The following ESR1 variants were observed in gnomAD, a reference collection of about 807,000 sequenced individuals.
ESR1 encodes the protein estrogen receptor 1, also known as estrogen receptor.
In ESR1, 12 loss-of-function variants were observed where a neutral mutation model predicts 52.7. The ratio of observed to expected loss-of-function variants is 0.23; its 90% CI spans 0.15 to 0.37. The LOEUF is 0.37. Among genes scored for constraint, ESR1 ranks in the 10% least tolerant of loss-of-function variants. The pLI is 1.00. For missense variants in ESR1, 584 were observed against 779.7 expected (o/e 0.75, Z 2.99); for synonymous variants, 305 against 316.8 (o/e 0.96, Z 0.39).
chr6:151,957,340 A>G (rs1357820375), intron 4 of ESR1, among the ~76,000 whole-genome samples: 4 of 152,196 alleles, frequency 2.6e-5, no homozygotes, highest in African/African-American at 4.8e-5. Flanking sequence ...TTACATAACT[A>G]TACAAAAAAA....
chr6:151,736,184 A>G (rs1206826603), intron 2 of ESR1, among the ~76,000 whole-genome samples: 1 of 152,206 alleles, frequency 6.6e-6, no homozygotes, highest in Non-Finnish European at 1.5e-5. Flanking sequence ...CCTTTCCATT[A>G]TAAGAATCTT....
chr6:151,777,705 A>G (rs943787911), intron 2 of ESR1, among the ~76,000 whole-genome samples: 2 of 152,160 alleles, frequency 1.3e-5, no homozygotes, highest in African/African-American at 4.8e-5. Context: ...CATGCCTGTA[A>G]TCCTAGCACT....
chr6:152,063,707 AC>A (rs1256343913), intron 6 of ESR1, among the ~76,000 whole-genome samples: 10 of 152,300 alleles, frequency 6.6e-5, no homozygotes, highest in Admixed American at 2.6e-4. Context: ...CTCTCATGAG[AC>A]CAATGACCAA....
intron 1 of ESR1, among the ~76,000 whole-genome samples, chr6:151,694,674 C>T (rs953771505): frequency 3.9e-5 from 6 of 151,942 alleles, no homozygotes; most frequent in African/African-American, 1.5e-4. Context: ...GTAATCTCAG[C>T]TACTTGGGAG....
At chr6:151,782,769 G>A (rs554126441) in intron 2 of ESR1, among the ~76,000 whole-genome samples, 20 of 152,296 alleles carry the variant, frequency 1.3e-4, no homozygotes, top group Admixed American at 3.3e-4. Flanking sequence ...GGACAATTAA[G>A]TGCTGGCCAA....
At chr6:151,839,005 C>G (rs78539392) in intron 1 of ESR1, among the ~76,000 whole-genome samples, 1 of 151,938 alleles carries the variant, frequency 6.6e-6, no homozygotes, top group Non-Finnish European at 1.5e-5. Context: ...ATTGTGGAAA[C>G]TATACATTTA....
intron 2 of ESR1, among the ~76,000 whole-genome samples, chr6:151,779,797 G>A (rs115192536): frequency 0.065 from 9,382 of 143,340 alleles, 195 homozygotes; most frequent in African/African-American, 0.076. Flanking sequence ...ATGTTTGACC[G>A]AATAAAGAAA....
At chr6:151,964,539 A>T (rs1329679448) in intron 4 of ESR1, among the ~76,000 whole-genome samples, 1 of 151,932 alleles carries the variant, frequency 6.6e-6, no homozygotes, top group Non-Finnish European at 1.5e-5. Context: ...ACTTTACTGC[A>T]TTTGTTTATC....
At chr6:151,850,104 A>ACAAAAT (rs2128250585) in intron 2 of ESR1, among the ~76,000 whole-genome samples, 1 of 130,412 alleles carries the variant, frequency 7.7e-6, no homozygotes, top group South Asian at 2.4e-4. Context: ...TTTTATATAT[A>ACAAAAT]TATACAAAAT....
At chr6:152,060,704 T>C (rs1275308262) in intron 5 of ESR1, among the ~76,000 whole-genome samples, 2 of 152,192 alleles carry the variant, frequency 1.3e-5, no homozygotes, top group Non-Finnish European at 2.9e-5. Context: ...CAATTACCCA[T>C]AGGTTGAAGA....
chr6:151,751,109 T>C (rs1284802169), intron 2 of ESR1, among the ~76,000 whole-genome samples: 1 of 152,204 alleles, frequency 6.6e-6, no homozygotes, highest in African/African-American at 2.4e-5. Flanking sequence ...ATTAGTGGCT[T>C]CAATTTTTGG....
intron 4 of ESR1, among the ~76,000 whole-genome samples, chr6:151,949,218 G>C (rs2036055390): frequency 6.6e-6 from 1 of 152,184 alleles, no homozygotes; most frequent in Non-Finnish European, 1.5e-5. Context: ...ACTTTAGCAG[G>C]CTTCAACTCT....
At chr6:152,120,455 T>G (rs2051289532) in intron 6 of ESR1, among the ~76,000 whole-genome samples, 1 of 152,000 alleles carries the variant, frequency 6.6e-6, no homozygotes, top group African/African-American at 2.4e-5. Flanking sequence ...CGGGGGGCGA[T>G]CCATCGTGTT....
At chr6:151,953,451 G>A (rs527977136) in intron 4 of ESR1, among the ~76,000 whole-genome samples, 1 of 152,198 alleles carries the variant, frequency 6.6e-6, no homozygotes, top group East Asian at 1.9e-4. Flanking sequence ...CGGCCAGTGC[G>A]GTGGCTCATG....
intron 2 of ESR1, among the ~76,000 whole-genome samples, chr6:151,780,005 G>A (rs1194157245): frequency 6.6e-6 from 1 of 151,628 alleles, no homozygotes; most frequent in African/African-American, 2.4e-5. Flanking sequence ...CATGGATGAA[G>A]CTGGAAACCA....
intron 6 of ESR1, among the ~76,000 whole-genome samples, chr6:152,083,973 A>G (rs527792540): frequency 4.5e-4 from 68 of 152,256 alleles, no homozygotes; most frequent in African/African-American, 1.5e-3. Context: ...ACATGCACAC[A>G]TATGTTTATT....
At chr6:151,695,072 C>A (rs762739278) in intron 1 of ESR1, among the ~76,000 whole-genome samples, 12 of 152,220 alleles carry the variant, frequency 7.9e-5, no homozygotes, top group African/African-American at 2.9e-4. Flanking sequence ...CCTCTTCTGG[C>A]GGCACCCCTC....
At chr6:151,838,863 C>A (rs1293755542) in intron 1 of ESR1, among the ~76,000 whole-genome samples, 1 of 152,038 alleles carries the variant, frequency 6.6e-6, no homozygotes, top group Non-Finnish European at 1.5e-5. Flanking sequence ...TGGGGGTCAT[C>A]TTAGAGATAA....
chr6:151,658,998 T>C (rs889667930), intron 1 of ESR1, among the ~76,000 whole-genome samples: 2 of 152,194 alleles, frequency 1.3e-5, no homozygotes, highest in Admixed American at 6.5e-5. Context: ...AACCAAGATA[T>C]GCTAAGGCAA....
Sources: gnomAD v4.1 joint callset for allele counts (sites outside exome capture counted in the v4.1 genomes callset) on GRCh38, gnomAD v4.1.1 for gene constraint, MANE v1.5 for transcripts, NCBI Gene and HGNC (gene_info 2026-07-23, HGNC 2026-07-21) for gene names.